Variants in SGCD observed in about 807,000 individuals in gnomAD.
The protein encoded by SGCD is sarcoglycan delta.
In SGCD, 18 loss-of-function variants were observed where a neutral mutation model predicts 36.6. The observed-to-expected ratio is 0.49, with a 90% CI of 0.34 to 0.73. The LOEUF (loss-of-function observed/expected upper bound fraction) is 0.73, where lower values mean the gene tolerates loss of function less well. SGCD is among the 30% of genes least tolerant of loss of function. The pLI is 0.01. For missense variants in SGCD, 387 were observed against 346.7 expected, an observed-to-expected ratio of 1.12 and a Z score of -0.92; for synonymous variants, 133 against 130.6, an observed-to-expected ratio of 1.02 and a Z score of -0.12.
At chr5:156,320,763 A>T (rs1436590644) in intron 3 of SGCD, among the ~76,000 whole-genome samples, 1 of 152,206 alleles carries the variant, frequency 6.6e-6, no homozygotes, top group Non-Finnish European at 1.5e-5. Flanking sequence ...CAATAGAGAT[A>T]TTCTCAAAAT....
chr5:156,083,563 G>A (rs7702268), intron 1 of SGCD, among the ~76,000 whole-genome samples: 31,797 of 149,790 alleles, frequency 0.21, 3,649 homozygotes, highest in Middle Eastern at 0.26. Flanking sequence ...CCAAAGTGCT[G>A]GAATTACAGG....
chr5:155,828,008 G>T, the SGCD span, among the ~76,000 whole-genome samples: 1 of 151,838 alleles, frequency 6.6e-6, no homozygotes, highest in Non-Finnish European at 1.5e-5. Context: ...TTCTTATTAA[G>T]AATTTCTGTT....
At chr5:156,005,106 C>T (rs1444040768) in intron 1 of SGCD, among the ~76,000 whole-genome samples, 9 of 152,292 alleles carry the variant, frequency 5.9e-5, no homozygotes, top group Admixed American at 5.9e-4. Flanking sequence ...TAAGATAAAT[C>T]TGCAGAGTGA....
At chr5:156,612,641 C>T (rs1313432075) in intron 6 of SGCD, among the ~76,000 whole-genome samples, 1 of 152,232 alleles carries the variant, frequency 6.6e-6, no homozygotes, top group Non-Finnish European at 1.5e-5. Flanking sequence ...CTCAGCTGTT[C>T]CACTGAGCCT....
intron 6 of SGCD, among the ~76,000 whole-genome samples, chr5:156,612,824 A>G (rs1255239413): frequency 6.6e-6 from 1 of 152,208 alleles, no homozygotes; most frequent in African/African-American, 2.4e-5. Flanking sequence ...CTTAGGTCAC[A>G]GTGGATGGAG....
intron 3 of SGCD, among the ~76,000 whole-genome samples, chr5:156,285,543 T>G (rs938244061): frequency 6.6e-6 from 1 of 152,206 alleles, no homozygotes; most frequent in Non-Finnish European, 1.5e-5. Context: ...ATCTGATATT[T>G]GACAAACCTG....
chr5:156,134,446 T>G (rs978664336), intron 3 of SGCD, among the ~76,000 whole-genome samples: 4 of 152,158 alleles, frequency 2.6e-5, no homozygotes, highest in Admixed American at 6.6e-5. Flanking sequence ...TCCCCCAGTC[T>G]TTCCACCAGC....
intron 1 of SGCD, among the ~76,000 whole-genome samples, chr5:155,935,097 T>C (rs537765330): frequency 6.6e-6 from 1 of 152,344 alleles, no homozygotes; most frequent in East Asian, 1.9e-4. Flanking sequence ...TCCCTAGTGA[T>C]TTTTGAATCC....
chr5:156,242,369 C>A (rs1209022315), intron 3 of SGCD, among the ~76,000 whole-genome samples: 4 of 152,096 alleles, frequency 2.6e-5, no homozygotes, highest in African/African-American at 4.8e-5. Context: ...AAAAAGGACA[C>A]CATAGGAGAT....
At chr5:156,206,661 C>T (rs1764286375) in intron 3 of SGCD, among the ~76,000 whole-genome samples, 1 of 151,928 alleles carries the variant, frequency 6.6e-6, no homozygotes, top group Non-Finnish European at 1.5e-5. Context: ...GTATGGGACA[C>T]CAAGGCATTT....
chr5:156,574,381 T>C (rs1373986613), intron 4 of SGCD, among the ~76,000 whole-genome samples: 1 of 152,216 alleles, frequency 6.6e-6, no homozygotes, highest in Non-Finnish European at 1.5e-5. Flanking sequence ...AAATTCCTTA[T>C]ACATGCTATT....
intron 3 of SGCD, among the ~76,000 whole-genome samples, chr5:156,310,256 ACTGGTCTTTTACAT>A (rs1290182602): frequency 1.3e-5 from 2 of 152,208 alleles, no homozygotes; most frequent in African/African-American, 4.8e-5. Flanking sequence ...GTGGCGAGGC[ACTGGTCTTTTACAT>A]CCCTTGGAAG....
At chr5:155,743,264 C>A in the SGCD span, among the ~76,000 whole-genome samples, 1 of 152,154 alleles carries the variant, frequency 6.6e-6, no homozygotes, top group Admixed American at 6.5e-5. Flanking sequence ...TCCAGGAGCA[C>A]AACAAAGTCT....
At chr5:156,321,269 A>C (rs1011177876) in intron 3 of SGCD, among the ~76,000 whole-genome samples, 1 of 151,958 alleles carries the variant, frequency 6.6e-6, no homozygotes, top group Non-Finnish European at 1.5e-5. Flanking sequence ...AATACAAAAA[A>C]ATTAGCCAGG....
At chr5:155,942,873 G>A (rs528933684) in intron 1 of SGCD, among the ~76,000 whole-genome samples, 58 of 152,148 alleles carry the variant, frequency 3.8e-4, no homozygotes, top group Non-Finnish European at 6.6e-4. Flanking sequence ...TAAAACAGGT[G>A]TTATAATTAT....
At chr5:156,174,754 T>C (rs1483777741) in intron 3 of SGCD, among the ~76,000 whole-genome samples, 1 of 152,216 alleles carries the variant, frequency 6.6e-6, no homozygotes, top group Non-Finnish European at 1.5e-5. Flanking sequence ...CATAGTTGTC[T>C]ATGTGAGTGA....
intron 6 of SGCD, among the ~76,000 whole-genome samples, chr5:156,607,918 T>C (rs1225418037): frequency 3.3e-5 from 5 of 152,214 alleles, no homozygotes; most frequent in Admixed American, 2.0e-4. Flanking sequence ...TTATTGCGTC[T>C]ATTTGATTCT....
intron 7 of SGCD, among the ~76,000 whole-genome samples, chr5:156,756,183 C>T (rs1018264812): frequency 6.6e-6 from 1 of 152,206 alleles, no homozygotes; most frequent in Non-Finnish European, 1.5e-5. Context: ...TTGCTGAGGT[C>T]TCCGTTCCTA....
At chr5:156,228,323 G>A (rs1435868538) in intron 3 of SGCD, among the ~76,000 whole-genome samples, 1 of 152,102 alleles carries the variant, frequency 6.6e-6, no homozygotes, top group Non-Finnish European at 1.5e-5. Flanking sequence ...GGGATCTCCA[G>A]TGTTAGGTGC....
Sources: gnomAD v4.1 joint callset for allele counts (sites outside exome capture counted in the v4.1 genomes callset) on GRCh38, gnomAD v4.1.1 for gene constraint, MANE v1.5 for transcripts, NCBI Gene and HGNC (gene_info 2026-07-23, HGNC 2026-07-21) for gene names.